Variants in CDH13 observed in about 807,000 individuals in gnomAD.
The protein encoded by CDH13 is cadherin-13.
In CDH13, 24 loss-of-function variants were observed where a neutral mutation model predicts 63.8. The ratio of observed to expected loss-of-function variants is 0.38; its 90% confidence interval spans 0.27 to 0.53. CDH13 has a LOEUF of 0.53. CDH13 is among the 20% of genes least tolerant of loss of function. The probability of loss-of-function intolerance (pLI) is 0.85; values close to 1 mark genes in which losing one functional copy is unlikely to be tolerated. For missense variants in CDH13, 1,049 were observed against 903.1 expected (o/e 1.16, Z -2.07); for synonymous variants, 503 against 355.3 (o/e 1.42, Z -4.67).
chr16:82,776,103 G>T (rs2035482714), intron 1 of CDH13, among the ~76,000 whole-genome samples: 1 of 152,158 alleles, frequency 6.6e-6, no homozygotes, highest in African/African-American at 2.4e-5. Flanking sequence ...CCAGCTACTT[G>T]GGTGGGTGAG....
intron 2 of CDH13, among the ~76,000 whole-genome samples, chr16:82,977,749 C>T (rs1909719680): frequency 6.6e-6 from 1 of 152,004 alleles, no homozygotes; most frequent in East Asian, 1.9e-4. Flanking sequence ...CTAAAGATAC[C>T]CAAAAATGTG....
chr16:83,771,586 G>A (rs750185515), intron 11 of CDH13, among the ~76,000 whole-genome samples: 127 of 152,240 alleles, frequency 8.3e-4, no homozygotes, highest in Non-Finnish European at 1.5e-3. Context: ...AACAGAGCCA[G>A]TAACTCAGAT....
chr16:83,183,229 C>T (rs1031918087), intron 4 of CDH13, among the ~76,000 whole-genome samples: 1 of 152,146 alleles, frequency 6.6e-6, no homozygotes, highest in African/African-American at 2.4e-5. Context: ...TTGAGATAAA[C>T]ACAAAAGGTT....
chr16:83,458,891 C>T (rs1470246312), intron 6 of CDH13, among the ~76,000 whole-genome samples: 2 of 152,148 alleles, frequency 1.3e-5, no homozygotes, highest in East Asian at 1.9e-4. Flanking sequence ...AGAAAACATC[C>T]CATCATGCAC....
At chr16:83,679,323 A>G (rs973401330) in intron 10 of CDH13, among the ~76,000 whole-genome samples, 1 of 152,248 alleles carries the variant, frequency 6.6e-6, no homozygotes, top group African/African-American at 2.4e-5. Context: ...GAAGAAAGTT[A>G]TTAATGTTCC....
chr16:83,204,230 T>A (rs922216067), intron 4 of CDH13, among the ~76,000 whole-genome samples: 1 of 152,214 alleles, frequency 6.6e-6, no homozygotes, highest in African/African-American at 2.4e-5. Flanking sequence ...CTATGAAGTA[T>A]GGGTCAAGAC....
intron 11 of CDH13, among the ~76,000 whole-genome samples, chr16:83,755,571 C>A (rs1913439273): frequency 6.6e-6 from 1 of 152,074 alleles, no homozygotes; most frequent in Admixed American, 6.6e-5. Context: ...ATAAAAGAGG[C>A]ATTTACCTGC....
chr16:83,202,193 G>A (rs2039052207), intron 4 of CDH13, among the ~76,000 whole-genome samples: 1 of 152,130 alleles, frequency 6.6e-6, no homozygotes, highest in Non-Finnish European at 1.5e-5. Flanking sequence ...GATCTTGCCA[G>A]GCTCAGCTTT....
intron 2 of CDH13, among the ~76,000 whole-genome samples, chr16:82,932,119 C>G (rs1278331464): frequency 1.3e-5 from 2 of 152,084 alleles, no homozygotes; most frequent in African/African-American, 4.8e-5. Flanking sequence ...AGGAATCACT[C>G]ACAGAAGTCA....
Position 82,785,136 on chromosome 16 carries a change from G to A in CDH13, c.46-73226G>A, listed in dbSNP as rs150582987. Among the ~76,000 whole-genome samples the A allele has an allele frequency of 9.4e-3, 1,433 of 152,222 alleles. 12 individuals are homozygous for A. Among genetic ancestry groups the A allele is most frequent in the African/African-American group, 0.028 (1,155 of 41,516 alleles). The stretch of plus-strand genomic sequence containing the variant: ...TACTGCAGTCTTTCAGGGGAGAGAC[G>A]GGGGCTTGCGTTCGGGGCTGGCAGT... On this transcript the variant is annotated intron_variant, in intron 1 of 13. Coordinates refer to ENST00000567109, the MANE Select transcript of CDH13 (RefSeq NM_001257.5).
intron 9 of CDH13, among the ~76,000 whole-genome samples, chr16:83,672,047 T>C (rs1468785902): frequency 6.6e-6 from 1 of 152,208 alleles, no homozygotes; most frequent in Non-Finnish European, 1.5e-5. Flanking sequence ...GGATCAATTG[T>C]ATTTATAGTG....
At chr16:83,395,406 A>G (rs8051646) in intron 6 of CDH13, among the ~76,000 whole-genome samples, 15,247 of 152,110 alleles carry the variant, frequency 0.1, 791 homozygotes, top group East Asian at 0.21. Flanking sequence ...CCTGTTTGCC[A>G]GTGGTCATCC....
chr16:83,397,950 C>G (rs558494646), intron 6 of CDH13: 1 of 152,266 alleles, frequency 6.6e-6, no homozygotes, highest in Non-Finnish European at 1.5e-5. Flanking sequence ...TAGTCTTGCC[C>G]CAGATGTTCA....
At chr16:82,980,425 C>T (rs74753441) in intron 2 of CDH13, among the ~76,000 whole-genome samples, 3,664 of 152,282 alleles carry the variant, frequency 0.024, 62 homozygotes, top group South Asian at 0.033. Flanking sequence ...GCCTGGTTTT[C>T]ATCTATCCAG....
chr16:83,468,163 A>G (rs111514668), intron 6 of CDH13, among the ~76,000 whole-genome samples: 1 of 152,228 alleles, frequency 6.6e-6, no homozygotes, highest in South Asian at 2.1e-4. Flanking sequence ...TTGGAAGAAG[A>G]GTCTTTGCAG....
intron 10 of CDH13, among the ~76,000 whole-genome samples, chr16:83,699,993 C>G (rs972851864): frequency 2.0e-5 from 3 of 152,166 alleles, no homozygotes; most frequent in African/African-American, 7.2e-5. Context: ...TGTGCACTCC[C>G]TTGACGCTAT....
At chr16:82,828,249 T>TA (rs2038348488) in intron 1 of CDH13, among the ~76,000 whole-genome samples, 1 of 152,222 alleles carries the variant, frequency 6.6e-6, no homozygotes, top group Non-Finnish European at 1.5e-5. Flanking sequence ...GAAGACTCTT[T>TA]ACGTCTGTTT....
chr16:83,659,784 C>G (rs1434138635), intron 8 of CDH13, among the ~76,000 whole-genome samples: 2 of 134,156 alleles, frequency 1.5e-5, no homozygotes, highest in Non-Finnish European at 3.1e-5. Context: ...CAGTCCACAA[C>G]CTTTTTTTTT....
At chr16:83,230,175 T>G (rs112594790) in intron 5 of CDH13, among the ~76,000 whole-genome samples, 6 of 151,982 alleles carry the variant, frequency 3.9e-5, no homozygotes, top group Admixed American at 1.3e-4. Context: ...TCCTTTCGAG[T>G]TTTTATTGCA....
Sources: gnomAD v4.1 joint callset for allele counts (sites outside exome capture counted in the v4.1 genomes callset) on GRCh38, gnomAD v4.1.1 for gene constraint, MANE v1.5 for transcripts, NCBI Gene and HGNC (gene_info 2026-07-23, HGNC 2026-07-21) for gene names.